LRIT3: variants seen among roughly 807,000 people sequenced by gnomAD.
LRIT3 encodes leucine-rich repeat, immunoglobulin-like domain and transmembrane domain-containing protein 3.
Under a neutral mutation model 22.6 loss-of-function variants are expected in LRIT3, and 14 were observed. The observed-to-expected ratio is 0.62, with a 90% CI of 0.41 to 0.97. The LOEUF (loss-of-function observed/expected upper bound fraction) is 0.97, where lower values mean the gene tolerates loss of function less well. Among genes scored for constraint, LRIT3 ranks in the 50% least tolerant of loss-of-function variants. The probability of loss-of-function intolerance (pLI) is 0.00; values close to 1 mark genes in which losing one functional copy is unlikely to be tolerated. For synonymous variants in LRIT3, 306 were observed against 304.5 expected, an observed-to-expected ratio of 1.01 and a Z score of -0.05; for missense variants, 783 against 803.0, an observed-to-expected ratio of 0.98 and a Z score of 0.30.
rs1187229270 is a variant in LRIT3, at chr4:109,871,981, G to A, written c.*1192G>A. 1 of 152,182 alleles carries A rather than the reference G, an allele frequency of 6.6e-6. No individual in the cohort carries two copies. Among genetic ancestry groups the A allele is most frequent in the African/African-American group, 2.4e-5 (1 of 41,446 alleles). The allele number at this position is 152,182 out of a possible 1,614,324, so 9.4% of individuals were successfully genotyped here. On this transcript the variant is annotated 3_prime_UTR_variant, in exon 4 of 4. Transcript: ENST00000594814. The stretch of plus-strand genomic sequence containing the variant: ...GCCCACTCAAGCATCTCACAGTGGT[G>A]ATATTACATGTCACTTAGCAGGATG...
chr4:109,864,146 A>G (rs1579379459), intron 2 of LRIT3, among the ~76,000 whole-genome samples: 1 of 152,218 alleles, frequency 6.6e-6, no homozygotes, highest in East Asian at 1.9e-4. Context: ...ACACAAATTT[A>G]TAGATATAAA....
At chr4:109,866,739 G>A (rs1734689494) in intron 2 of LRIT3, among the ~76,000 whole-genome samples, 1 of 152,100 alleles carries the variant, frequency 6.6e-6, no homozygotes, top group Non-Finnish European at 1.5e-5. Flanking sequence ...CTTTCCTCTA[G>A]TTTCCAGCAA....
At chr4:109,857,646 G>A (rs1560591728) in intron 2 of LRIT3, among the ~76,000 whole-genome samples, 1 of 152,146 alleles carries the variant, frequency 6.6e-6, no homozygotes, top group Non-Finnish European at 1.5e-5. Flanking sequence ...ATAGGGAAGG[G>A]TTGTCACTAC....
At chr4:109,849,793 A>G (rs1052386547) in intron 1 of LRIT3, among the ~76,000 whole-genome samples, 13 of 152,088 alleles carry the variant, frequency 8.5e-5, no homozygotes, top group African/African-American at 3.1e-4. Context: ...TTGTATTTTT[A>G]GTAGAGATGG....
At chr4:109,858,449 G>A (rs1024354823) in intron 2 of LRIT3, among the ~76,000 whole-genome samples, 4 of 151,990 alleles carry the variant, frequency 2.6e-5, no homozygotes, top group African/African-American at 2.4e-5. Flanking sequence ...TCTCTGTCTC[G>A]TTGTTGCATG....
chr4:109,853,257 T>A (rs1336861850), intron 2 of LRIT3, among the ~76,000 whole-genome samples: 1 of 152,218 alleles, frequency 6.6e-6, no homozygotes, highest in African/African-American at 2.4e-5. Flanking sequence ...GTTTCCTGAC[T>A]TTTTAATGAT....
chr4:109,862,417 T>A (rs1734567284), intron 2 of LRIT3, among the ~76,000 whole-genome samples: 1 of 152,202 alleles, frequency 6.6e-6, no homozygotes, highest in South Asian at 2.1e-4. Flanking sequence ...TTAAATATAT[T>A]CAGTTCTTGG....
intron 2 of LRIT3, among the ~76,000 whole-genome samples, chr4:109,858,814 G>A (rs4035486): frequency 0.6 from 91,397 of 151,872 alleles, 27,879 homozygotes; most frequent in Non-Finnish European, 0.65. Context: ...GCTTGGCCTT[G>A]TGGGTTATAA....
chr4:109,867,705 C>G lies in LRIT3; in HGVS notation c.654C>G (p.Val218=). ...HISKMIELSK[V]VDPAIVLLDP... is the part of the protein sequence containing the mutation. ...CCAAAATGATTGAGTTGTCAAAGGT[C>G]GTTGACCCTGCTATAGTGCTTCTGG... The change falls in exon 3 of 4, where the codon GTC becomes GTG. Residue 218 remains valine (V), a synonymous_variant. Coordinates refer to ENST00000594814, the MANE Select transcript of LRIT3 (RefSeq NM_198506.5). The G allele has an allele frequency of 6.2e-7, 1 of 1,614,142 alleles. No individual in the cohort carries two copies. Among genetic ancestry groups the G allele is most frequent in the Non-Finnish European group, 8.5e-7 (1 of 1,179,980 alleles).
At chr4:109,848,662 A>G (rs965104099) in intron 1 of LRIT3, among the ~76,000 whole-genome samples, 2 of 152,204 alleles carry the variant, frequency 1.3e-5, no homozygotes, top group Admixed American at 1.3e-4. Context: ...AAAGGCTAAG[A>G]GGGCAGGCTG....
chr4:109,867,667 G>T lies in LRIT3; in HGVS notation c.616G>T (p.Asp206Tyr). Residue 206 changes from aspartate to tyrosine, a missense_variant, in exon 3 of 4, where the codon GAC (aspartate) becomes TAC (tyrosine). By Grantham distance (160) the Asp-to-Tyr change is radical (BLOSUM62 -3). Transcript: ENST00000594814. ...TCTACAGGACAATCCTTGGTTCTGTGACTGTCATATTTCCAAAATGATTGA... is the reference window on the plus strand; with the variant it reads ...TCTACAGGACAATCCTTGGTTCTGTTACTGTCATATTTCCAAAATGATTGA... Reference protein sequence around the residue: ...LGLQDNPWFCDCHISKMIELS... With the variant: ...LGLQDNPWFCYCHISKMIELS... 6.2e-7 allele frequency: 1 copy of T among 1,613,984 alleles called. No individual in the cohort carries two copies. Among genetic ancestry groups the T allele is most frequent in the South Asian group, 1.1e-5 (1 of 91,030 alleles).
intron 3 of LRIT3, among the ~76,000 whole-genome samples, chr4:109,868,803 A>G (rs1161810562): frequency 6.6e-6 from 1 of 152,182 alleles, no homozygotes; most frequent in Non-Finnish European, 1.5e-5. Flanking sequence ...ACTAAAATTC[A>G]GGTTGAAATA....
intron 2 of LRIT3, among the ~76,000 whole-genome samples, chr4:109,855,800 C>T (rs1210980290): frequency 6.6e-6 from 1 of 152,120 alleles, no homozygotes; most frequent in African/African-American, 2.4e-5. Context: ...GTTATGTACC[C>T]TGTAGTCATT....
At chr4:109,865,681 G>T (rs1354410262) in intron 2 of LRIT3, among the ~76,000 whole-genome samples, 1 of 152,134 alleles carries the variant, frequency 6.6e-6, no homozygotes, top group Non-Finnish European at 1.5e-5. Context: ...AAGGTTAAAG[G>T]TCACTATGAA....
intron 2 of LRIT3, chr4:109,865,133 A>T: frequency 1.4e-6 from 2 of 1,461,506 alleles, no homozygotes; most frequent in Non-Finnish European, 1.8e-6. Flanking sequence ...ATAGAACGTT[A>T]CGGCTGTAAA....
chr4:109,867,384 T>C (rs6827802), intron 2 of LRIT3, among the ~76,000 whole-genome samples: 84,111 of 152,016 alleles, frequency 0.55, 24,183 homozygotes, highest in Non-Finnish European at 0.65. Flanking sequence ...GGTAAGTGCT[T>C]AGTACATAAT....
rs922093191 is a variant in LRIT3 at position 109,857,353 on chromosome 4, T to A, written c.589+5377T>A. 4.6e-5 allele frequency among the ~76,000 whole-genome samples: 7 copies of A among 152,130 alleles called. No homozygotes were observed. In the East Asian group the frequency reaches 1.3e-3, roughly 29 times the overall value. On this transcript the variant is annotated intron_variant, in intron 2 of 3. Transcript: ENST00000594814. ...GTATAAGTCCTCATAATCTTTACTG[T>A]CCCATCTTTGAATTGACCTTTTGAT...
chr4:109,861,702 A>G (rs1734549961), intron 2 of LRIT3, among the ~76,000 whole-genome samples: 1 of 152,002 alleles, frequency 6.6e-6, no homozygotes, highest in South Asian at 2.1e-4. Flanking sequence ...TTTGTCTGTT[A>G]TATGCACTGT....
rs773657553 is a variant in LRIT3 at position 109,867,669 on chromosome 4, C to G, written c.618C>G (p.Asp206Glu). 1 of 1,614,062 alleles carries G rather than the reference C, an allele frequency of 6.2e-7. No individual in the cohort carries two copies. The highest frequency in any genetic ancestry group is 8.5e-7 in the Non-Finnish European group (1 of 1,179,940). The change falls in exon 3 of 4, where the codon GAC becomes GAG. Residue 206 changes from aspartate to glutamate, a missense_variant. Asp to Glu is a conservative substitution (Grantham distance 45). Coordinates refer to ENST00000594814, the MANE Select transcript of LRIT3 (RefSeq NM_198506.5). The part of the protein sequence containing the change: ...LGLQDNPWFC[D>E]CHISKMIELS... ...TACAGGACAATCCTTGGTTCTGTGA[C>G]TGTCATATTTCCAAAATGATTGAGT...
Sources: allele counts gnomAD v4.1 joint callset (sites outside exome capture counted in the v4.1 genomes callset), GRCh38; gene constraint gnomAD v4.1.1; transcripts MANE v1.5; gene names NCBI Gene and HGNC (gene_info 2026-07-23, HGNC 2026-07-21).